The following TPD52 variants were observed in gnomAD, a reference collection of about 807,000 sequenced individuals.
The protein encoded by TPD52 is tumor protein D52, also known as prostate and colon associated protein.
In TPD52, 17 loss-of-function variants were observed where a neutral mutation model predicts 31.3. That is an observed-to-expected ratio of 0.54 (90% CI 0.37 to 0.82). The LOEUF (loss-of-function observed/expected upper bound fraction) is 0.82. Ranked by LOEUF, TPD52 falls within the 40% of genes least tolerant of loss-of-function variation. The probability of loss-of-function intolerance (pLI) is 0.00; values close to 1 mark genes in which losing one functional copy is unlikely to be tolerated. For missense variants in TPD52, 212 were observed against 240.1 expected (o/e 0.88, Z 0.77); for synonymous variants, 83 against 89.6 (o/e 0.93, Z 0.42).
intron 2 of TPD52, among the ~76,000 whole-genome samples, chr8:80,059,469 G>A (rs1336596570): frequency 9.9e-5 from 15 of 151,352 alleles, no homozygotes; most frequent in Admixed American, 9.9e-4. Flanking sequence ...TTAGAGTAAA[G>A]ATAAAATGGA....
chr8:80,081,486 C>T (rs1028674755), intron 1 of TPD52, among the ~76,000 whole-genome samples: 4 of 151,934 alleles, frequency 2.6e-5, no homozygotes, highest in East Asian at 3.9e-4. Context: ...AAAATAAAGG[C>T]GACTCGCTTT....
chr8:80,121,974 C>CT (rs1808291165), intron 1 of TPD52, among the ~76,000 whole-genome samples: 1 of 151,340 alleles, frequency 6.6e-6, no homozygotes, highest in Admixed American at 6.6e-5. Context: ...ATTTCTACTT[C>CT]ACATTTTTTT....
At chr8:80,122,073 T>C (rs114945016) in intron 1 of TPD52, among the ~76,000 whole-genome samples, 3,341 of 151,878 alleles carry the variant, frequency 0.022, 122 homozygotes, top group African/African-American at 0.075. Context: ...TGTCATTTTA[T>C]AGATGAGAAA....
At chr8:80,134,773 C>T (rs1280414201) in intron 1 of TPD52, among the ~76,000 whole-genome samples, 3 of 152,210 alleles carry the variant, frequency 2.0e-5, no homozygotes, top group African/African-American at 7.2e-5. Context: ...CAAATGACGA[C>T]AGCCCCAACT....
At chr8:80,064,403 C>T (rs760522793) in intron 2 of TPD52, 75 bp downstream of exon 2, 250 of 1,165,160 alleles carry the variant, frequency 2.1e-4, no homozygotes, top group Non-Finnish European at 2.9e-4. Flanking sequence ...AAACATATCA[C>T]CATGTACTTT....
At chr8:80,105,972 A>G (rs1807082048) in intron 1 of TPD52, among the ~76,000 whole-genome samples, 2 of 152,078 alleles carry the variant, frequency 1.3e-5, no homozygotes, top group African/African-American at 2.4e-5. Context: ...ATCTCAGAGC[A>G]ATAATAAAAG....
intron 7 of TPD52, among the ~76,000 whole-genome samples, chr8:80,038,994 A>G (rs760284020): frequency 3.3e-5 from 5 of 152,220 alleles, no homozygotes; most frequent in African/African-American, 7.2e-5. Flanking sequence ...GCTAATCTGT[A>G]TATGCTCTCT....
At chr8:80,166,882 G>C (rs1811753201) in intron 1 of TPD52, among the ~76,000 whole-genome samples, 1 of 152,004 alleles carries the variant, frequency 6.6e-6, no homozygotes, top group South Asian at 2.1e-4. Flanking sequence ...CTCCACCCTG[G>C]GTGGCAGAGC....
chr8:80,080,748 G>C (rs553479610), intron 1 of TPD52: 2 of 1,079,176 alleles, frequency 1.9e-6, no homozygotes, highest in Non-Finnish European at 1.1e-6. Flanking sequence ...GGCAGGGAGC[G>C]AGCTTTCCTC....
chr8:80,157,848 CTT>C (rs1338534155), intron 1 of TPD52, among the ~76,000 whole-genome samples: 1 of 152,186 alleles, frequency 6.6e-6, no homozygotes, highest in East Asian at 1.9e-4. Context: ...TGCTTACAGA[CTT>C]GAGCTTCTTG....
chr8:80,127,587 T>C (rs930517427), intron 1 of TPD52: 1 of 152,156 alleles, frequency 6.6e-6, no homozygotes, highest in African/African-American at 2.4e-5. Context: ...AAAGCCACCA[T>C]GTGGACAGAT....
intron 1 of TPD52, among the ~76,000 whole-genome samples, chr8:80,128,129 G>T (rs1227416378): frequency 6.6e-6 from 1 of 151,940 alleles, no homozygotes; most frequent in Non-Finnish European, 1.5e-5. Flanking sequence ...GTAAACAAAA[G>T]AAACAATTAT....
chr8:80,139,320 T>G (rs748047077), intron 1 of TPD52, among the ~76,000 whole-genome samples: 1 of 152,208 alleles, frequency 6.6e-6, no homozygotes, highest in Admixed American at 6.5e-5. Context: ...GTTTTTAGTA[T>G]ATTCACAGAG....
intron 7 of TPD52, 59 bp downstream of exon 7, chr8:80,042,561 A>G: frequency 1.3e-6 from 2 of 1,561,150 alleles, no homozygotes; most frequent in Middle Eastern, 1.7e-4. Context: ...TTCGCACAGC[A>G]AAGTTAATTA....
chr8:80,116,149 C>A (rs528608181), intron 1 of TPD52, among the ~76,000 whole-genome samples: 2 of 152,088 alleles, frequency 1.3e-5, no homozygotes, highest in South Asian at 4.1e-4. Flanking sequence ...AAGTACCCTA[C>A]AATATATCAA....
At chr8:80,149,214 G>A (rs757046892) in intron 1 of TPD52, among the ~76,000 whole-genome samples, 32 of 152,214 alleles carry the variant, frequency 2.1e-4, no homozygotes, top group Admixed American at 9.2e-4. Flanking sequence ...TCATGGGGGC[G>A]GATTTTTCCA....
intron 1 of TPD52, among the ~76,000 whole-genome samples, chr8:80,112,444 T>G (rs552723038): frequency 6.6e-6 from 1 of 152,132 alleles, no homozygotes; most frequent in South Asian, 2.1e-4. Flanking sequence ...CCTCCAAGAT[T>G]TGGGGCAGGT....
At chr8:80,153,849 T>C (rs1457959335) in intron 1 of TPD52, among the ~76,000 whole-genome samples, 1 of 152,226 alleles carries the variant, frequency 6.6e-6, no homozygotes. Flanking sequence ...CATAGATGCT[T>C]GGCGGGAGCC....
chr8:80,163,443 T>A (rs1019061194), intron 1 of TPD52, among the ~76,000 whole-genome samples: 2 of 152,148 alleles, frequency 1.3e-5, no homozygotes, highest in Admixed American at 6.5e-5. Context: ...TTTCTATGAC[T>A]GTTACCAGGG....
Sources: gnomAD v4.1 joint callset for allele counts (sites outside exome capture counted in the v4.1 genomes callset) on GRCh38, gnomAD v4.1.1 for gene constraint, MANE v1.5 for transcripts, NCBI Gene and HGNC (gene_info 2026-07-23, HGNC 2026-07-21) for gene names.